Variants in CHLSN observed in about 807,000 individuals in gnomAD.
CHLSN encodes cholesin.
At chr7:1,011,067 C>T in the CHLSN span, among the ~76,000 whole-genome samples, 2 of 149,934 alleles carry the variant, frequency 1.3e-5, no homozygotes, top group Non-Finnish European at 3.0e-5. Flanking sequence ...TGCAACCCAC[C>T]CCCCCGACAC....
At chr7:1,016,362 G>A in the CHLSN span, among the ~76,000 whole-genome samples, 1 of 65,426 alleles carries the variant, frequency 1.5e-5, no homozygotes, top group East Asian at 3.6e-4. Flanking sequence ...CCAGCGCACA[G>A]CAGCACACGC....
the CHLSN span, among the ~76,000 whole-genome samples, chr7:1,136,773 A>G: frequency 6.6e-6 from 1 of 151,776 alleles, no homozygotes; most frequent in Admixed American, 6.6e-5. Flanking sequence ...ACCCTCCACA[A>G]ACCTGAGCTT....
At chr7:1,011,215 C>T in the CHLSN span, among the ~76,000 whole-genome samples, 2 of 149,074 alleles carry the variant, frequency 1.3e-5, no homozygotes, top group African/African-American at 2.5e-5. Context: ...GACACGGACA[C>T]ATACCCACAC....
the CHLSN span, among the ~76,000 whole-genome samples, chr7:1,115,128 T>A: frequency 6.6e-6 from 1 of 152,252 alleles, no homozygotes; most frequent in African/African-American, 2.4e-5. Context: ...AAAATTCTCA[T>A]CTTTTGAGAT....
the CHLSN span, among the ~76,000 whole-genome samples, chr7:1,106,211 C>G: frequency 6.6e-6 from 1 of 152,152 alleles, no homozygotes; most frequent in African/African-American, 2.4e-5. Context: ...GCTCTGCCAG[C>G]CACGCGGACT....
chr7:1,008,941 G>A, the CHLSN span, among the ~76,000 whole-genome samples: 38 of 146,456 alleles, frequency 2.6e-4, no homozygotes, highest in Admixed American at 4.1e-4. Flanking sequence ...ACATGCACAC[G>A]CACACCCCCT....
At chr7:1,058,132 C>T in the CHLSN span, 119 of 752,114 alleles carry the variant, frequency 1.6e-4, no homozygotes, top group Non-Finnish European at 2.2e-4. Flanking sequence ...ACCCTCTACG[C>T]GCTGGTGCTA....
chr7:1,094,629 ACT>A, the CHLSN span, among the ~76,000 whole-genome samples: 1 of 151,394 alleles, frequency 6.6e-6, no homozygotes, highest in East Asian at 1.9e-4. Flanking sequence ...AGTCCAGGAA[ACT>A]CTCTCCTCCC....
chr7:1,024,340 C>T, the CHLSN span, among the ~76,000 whole-genome samples: 52 of 152,252 alleles, frequency 3.4e-4, no homozygotes, highest in African/African-American at 1.1e-3. Context: ...GAGCCCTGCC[C>T]GTGGGCTTCC....
At chr7:1,031,392 G>C in the CHLSN span, among the ~76,000 whole-genome samples, 2 of 77,790 alleles carry the variant, frequency 2.6e-5, no homozygotes, top group Non-Finnish European at 4.8e-5. Flanking sequence ...AGAGTGGTCC[G>C]GGGGGGCAGA....
chr7:1,039,439 C>T, the CHLSN span, among the ~76,000 whole-genome samples: 2 of 85,220 alleles, frequency 2.3e-5, no homozygotes, highest in African/African-American at 1.0e-4. Context: ...CCCCCCCGCC[C>T]GGCCAGCCGC....
chr7:1,010,287 C>G, the CHLSN span: 7 of 711,490 alleles, frequency 9.8e-6, no homozygotes, highest in Non-Finnish European at 1.6e-5. Flanking sequence ...CCAGCCGACA[C>G]CATCCTGCTA....
the CHLSN span, among the ~76,000 whole-genome samples, chr7:1,096,430 C>T: frequency 1.3e-5 from 2 of 152,214 alleles, no homozygotes; most frequent in South Asian, 2.1e-4. This position sits in a 1 kb window ranked among gnomAD's most constrained non-coding sequence, Gnocchi z 4.6. Context: ...GAGTCCCTGA[C>T]CCTGAGATCC....
At chr7:1,136,465 C>T in the CHLSN span, among the ~76,000 whole-genome samples, 130 of 67,662 alleles carry the variant, frequency 1.9e-3, 1 homozygote, top group Middle Eastern at 9.8e-3. Flanking sequence ...CATATATAAA[C>T]ATATATAAAT....
chr7:1,132,804 A>C, the CHLSN span, among the ~76,000 whole-genome samples: 1 of 151,984 alleles, frequency 6.6e-6, no homozygotes, highest in African/African-American at 2.4e-5. Context: ...ACCTCTAACA[A>C]CTCAACAACA....
the CHLSN span, among the ~76,000 whole-genome samples, chr7:1,053,208 A>C: frequency 7.9e-5 from 12 of 152,096 alleles, 1 homozygote; most frequent in African/African-American, 2.9e-4. Flanking sequence ...CGAAGGCTCC[A>C]CCCGCCTGGG....
At chr7:1,058,247 G>C in the CHLSN span, 5 of 768,290 alleles carry the variant, frequency 6.5e-6, no homozygotes, top group African/African-American at 1.7e-5. Context: ...CGCAGTTTGG[G>C]CTCTGGACGC....
the CHLSN span, among the ~76,000 whole-genome samples, chr7:1,049,326 C>G: frequency 1.3e-5 from 2 of 152,226 alleles, no homozygotes; most frequent in African/African-American, 4.8e-5. Context: ...CAGGCCAGGG[C>G]TGGTAACAGG....
chr7:988,367 G>A, the CHLSN span: 8 of 1,612,678 alleles, frequency 5.0e-6, no homozygotes, highest in Non-Finnish European at 6.8e-6. Context: ...CCATTTCCTG[G>A]ACGCGAATGG....
Sources: gnomAD v4.1 joint callset for allele counts (sites outside exome capture counted in the v4.1 genomes callset) on GRCh38, gnomAD v4.1.1 for gene constraint, Gnocchi (gnomAD v3.1) non-coding constraint, MANE v1.5 for transcripts, NCBI Gene and HGNC (gene_info 2026-07-23, HGNC 2026-07-21) for gene names.